VEPH1: variants seen among roughly 807,000 people sequenced by gnomAD.
VEPH1 encodes ventricular zone expressed PH domain containing 1, also known as ventricular zone-expressed PH domain-containing protein homolog 1.
In VEPH1, 80 loss-of-function variants were observed where a neutral mutation model predicts 85.2. That is an observed-to-expected ratio of 0.94 (90% CI 0.78 to 1.13). VEPH1 has a LOEUF of 1.13. Ranked by LOEUF, VEPH1 falls within the 50% of genes most tolerant of loss-of-function variation. The probability of loss-of-function intolerance (pLI) is 0.00; values close to 1 mark genes in which losing one functional copy is unlikely to be tolerated. For synonymous variants in VEPH1, 297 were observed against 348.0 expected (o/e 0.85, Z 1.63); for missense variants, 955 against 980.5 (o/e 0.97, Z 0.35).
chr3:157,444,945 C>T (rs1734428357), intron 4 of VEPH1, among the ~76,000 whole-genome samples: 7 of 152,212 alleles, frequency 4.6e-5, no homozygotes, highest in Admixed American at 4.6e-4. Flanking sequence ...CTCTCTTTCT[C>T]TAAATGACAG....
intron 2 of VEPH1, among the ~76,000 whole-genome samples, chr3:157,473,467 G>T (rs962440728): frequency 2.0e-5 from 3 of 151,684 alleles, no homozygotes; most frequent in African/African-American, 7.3e-5. Flanking sequence ...AAAGATTTTT[G>T]TGTTTCATGC....
At chr3:157,468,521 G>A (rs1387398220) in intron 3 of VEPH1, among the ~76,000 whole-genome samples, 1 of 152,088 alleles carries the variant, frequency 6.6e-6, no homozygotes, top group Non-Finnish European at 1.5e-5. Flanking sequence ...GTTGCAGTGA[G>A]CCGAGATCAC....
intron 13 of VEPH1, among the ~76,000 whole-genome samples, chr3:157,264,201 C>A (rs1713294498): frequency 6.6e-6 from 1 of 152,208 alleles, no homozygotes; most frequent in Non-Finnish European, 1.5e-5. Context: ...GATATCAGAG[C>A]TCCTGGTTTT....
In VEPH1 at chr3:157,398,055, G is replaced by C. The variant is rs531725306; in HGVS notation, c.906+15826C>G. 5.6e-4 allele frequency among the ~76,000 whole-genome samples: 86 copies of C among 152,264 alleles called. 3 individuals carry two copies. In the Middle Eastern group the frequency reaches 0.01, roughly 18 times the overall value. ...CAGGAAACTCCCCATAAGGCCATAG[G>C]TACAGGCTGGGAGACAGAAGGCAGG... On this transcript the variant is annotated intron_variant, in intron 6 of 13. Coordinates refer to ENST00000362010, the MANE Select transcript of VEPH1 (RefSeq NM_001167912.2).
chr3:157,317,025 C>G, intron 10 of VEPH1, 37 bp downstream of exon 10: 1 of 1,586,448 alleles, frequency 6.3e-7, no homozygotes. Flanking sequence ...ATCCCAGAAG[C>G]TCATTAAAGA....
At chr3:157,383,104 C>T (rs978560969) in intron 6 of VEPH1, among the ~76,000 whole-genome samples, 3 of 152,194 alleles carry the variant, frequency 2.0e-5, no homozygotes, top group Non-Finnish European at 2.9e-5. Flanking sequence ...GCTAGGATTA[C>T]AGGCGTGAGC....
At chr3:157,399,807 AT>A (rs200494240) in intron 6 of VEPH1, among the ~76,000 whole-genome samples, 1 of 151,392 alleles carries the variant, frequency 6.6e-6, no homozygotes, top group Non-Finnish European at 1.5e-5. Context: ...TGCCTGAAAT[AT>A]TTTTTTTTGT....
At chr3:157,450,617 T>C (rs1734895672) in intron 4 of VEPH1, among the ~76,000 whole-genome samples, 1 of 151,416 alleles carries the variant, frequency 6.6e-6, no homozygotes, top group Non-Finnish European at 1.5e-5. Flanking sequence ...ATTATCTATC[T>C]ATATATCTCC....
At chr3:157,494,890 T>C (rs973606889) in intron 2 of VEPH1, among the ~76,000 whole-genome samples, 11 of 152,214 alleles carry the variant, frequency 7.2e-5, no homozygotes, top group Non-Finnish European at 1.3e-4. Context: ...CTGGATTGGC[T>C]CCCTCTCCTC....
intron 7 of VEPH1, among the ~76,000 whole-genome samples, chr3:157,372,636 G>A (rs1003683931): frequency 6.6e-6 from 1 of 152,158 alleles, no homozygotes; most frequent in African/African-American, 2.4e-5. Flanking sequence ...ATTAAAGAGA[G>A]CTCTCAGACT....
intron 9 of VEPH1, among the ~76,000 whole-genome samples, chr3:157,360,589 C>T (rs988221979): frequency 3.3e-5 from 5 of 151,996 alleles, no homozygotes; most frequent in African/African-American, 1.2e-4. Context: ...AATCTTACAT[C>T]AAAAATGCAT....
chr3:157,294,741 A>G (rs1717918029), intron 11 of VEPH1, among the ~76,000 whole-genome samples: 1 of 152,218 alleles, frequency 6.6e-6, no homozygotes, highest in African/African-American at 2.4e-5. Context: ...GTGTTTCTGC[A>G]CAGTTAGGGC....
At chr3:157,376,550 T>C (rs1304580032) in intron 7 of VEPH1, among the ~76,000 whole-genome samples, 1 of 152,246 alleles carries the variant, frequency 6.6e-6, no homozygotes, top group Non-Finnish European at 1.5e-5. Flanking sequence ...TCAGAATTAA[T>C]TTAAAAAATA....
At position 157,375,869 on chromosome 3, in the gene VEPH1, C is replaced by CA. The variant is rs199950189; in HGVS notation, c.1127+5286dup. Among the ~76,000 whole-genome samples, 1,277 of 151,904 alleles carry CA rather than the reference C, an allele frequency of 8.4e-3. 4 individuals are homozygous for CA. Among genetic ancestry groups the CA allele is most frequent in the Non-Finnish European group, 0.013 (853 of 67,912 alleles). Reference sequence around the variant, plus strand: ...ACTACCACCATCACTACCAAAACAACAAAAAAAACGCAACATTCATGTAAC... The same window carrying CA: ...ACTACCACCATCACTACCAAAACAACAAAAAAAAACGCAACATTCATGTAAC... On this transcript the variant is annotated intron_variant, in intron 7 of 13. Coordinates refer to ENST00000362010, the MANE Select transcript of VEPH1 (RefSeq NM_001167912.2).
intron 2 of VEPH1, among the ~76,000 whole-genome samples, chr3:157,487,260 G>T (rs9809137): frequency 0.64 from 97,475 of 151,836 alleles, 31,690 homozygotes; most frequent in African/African-American, 0.74. Flanking sequence ...TTGAAAATAT[G>T]GGTAAGATAT....
chr3:157,313,555 AG>A (rs1720377170), intron 11 of VEPH1, 65 bp downstream of exon 11: 2 of 1,525,042 alleles, frequency 1.3e-6, no homozygotes, highest in South Asian at 1.2e-5. Context: ...GCTAAAAAAA[AG>A]GGAAACTGTT....
At chr3:157,353,576 TC>T (rs1383481080) in intron 9 of VEPH1, among the ~76,000 whole-genome samples, 1 of 152,084 alleles carries the variant, frequency 6.6e-6, no homozygotes, top group Non-Finnish European at 1.5e-5. Context: ...CCAGTGTGAT[TC>T]TTCAGAGAAA....
chr3:157,490,836 A>G lies in VEPH1; in HGVS notation c.138+4376T>C, dbSNP rs193284719. 5.9e-5 allele frequency among the ~76,000 whole-genome samples: 9 copies of G among 152,316 alleles called. No individual in the cohort carries two copies. In the East Asian group the frequency reaches 1.7e-3, roughly 29 times the overall value. Reference sequence around the variant, plus strand: ...TAGAAATAATTGGCCAAAATTGCCAATTACAACAATGTTTACTGTAGCACT... The same window carrying G: ...TAGAAATAATTGGCCAAAATTGCCAGTTACAACAATGTTTACTGTAGCACT... On this transcript the variant is annotated intron_variant, in intron 2 of 13. Coordinates refer to ENST00000362010, the MANE Select transcript of VEPH1 (RefSeq NM_001167912.2).
At chr3:157,273,086 T>C (rs1714928118) in intron 12 of VEPH1, among the ~76,000 whole-genome samples, 1 of 152,210 alleles carries the variant, frequency 6.6e-6, no homozygotes, top group Non-Finnish European at 1.5e-5. Context: ...GGCGGTGGAA[T>C]TGACTAGAAA....
Sources: gnomAD v4.1 joint callset for allele counts (sites outside exome capture counted in the v4.1 genomes callset) on GRCh38, gnomAD v4.1.1 for gene constraint, MANE v1.5 for transcripts, NCBI Gene and HGNC (gene_info 2026-07-23, HGNC 2026-07-21) for gene names.